TGFA: variants seen among roughly 807,000 people sequenced by gnomAD.
TGFA encodes transforming growth factor alpha.
Under a neutral mutation model 21.7 loss-of-function variants are expected in TGFA, and 12 were observed. The ratio of observed to expected loss-of-function variants is 0.55; its 90% CI spans 0.35 to 0.90. TGFA has a LOEUF of 0.90. TGFA is among the 40% of genes least tolerant of loss of function. TGFA has a pLI of 0.01. For synonymous variants in TGFA, 79 were observed against 88.1 expected (o/e 0.90, Z 0.58); for missense variants, 178 against 210.8 (o/e 0.84, Z 0.96).
chr2:70,458,087 T>C (rs534225096), intron 3 of TGFA, among the ~76,000 whole-genome samples: 1 of 152,294 alleles, frequency 6.6e-6, no homozygotes, highest in South Asian at 2.1e-4. Flanking sequence ...TCAGGGGCTA[T>C]GGGACAGGGG....
chr2:70,477,034 T>A (rs141608569), intron 2 of TGFA, among the ~76,000 whole-genome samples: 1 of 152,306 alleles, frequency 6.6e-6, no homozygotes, highest in Admixed American at 6.5e-5. Context: ...CATTTTAGAG[T>A]TTGAACACAA....
At position 70,528,378 on chromosome 2, in the gene TGFA, GCTGCCCTGTACCCCAAGC is replaced by G. The variant is rs548727165; in HGVS notation, c.41-13484_41-13467del. ...TCAGTAGCTGATCTCGCCGGGCTGG[GCTGCCCTGTACCCCAAGC>G]CTCACTCTCACACTGGGAGCATGTC... On this transcript the variant is annotated intron_variant, in intron 1 of 5. Transcript: ENST00000295400. Among the ~76,000 whole-genome samples the G allele has an allele frequency of 1.3e-4, 20 of 152,282 alleles. No individual in the cohort carries two copies. In the South Asian group the frequency reaches 3.7e-3, roughly 28 times the overall value.
chr2:70,529,592 C>CCCA (rs1289113319), intron 1 of TGFA, among the ~76,000 whole-genome samples: 3 of 149,026 alleles, frequency 2.0e-5, no homozygotes, highest in Non-Finnish European at 3.0e-5. Context: ...AGTGAATCCC[C>CCCA]CCGCCCCAGT....
intron 1 of TGFA, among the ~76,000 whole-genome samples, chr2:70,524,635 C>T (rs1018097310): frequency 6.6e-6 from 1 of 152,262 alleles, no homozygotes; most frequent in African/African-American, 2.4e-5. Context: ...CTGACTGGCA[C>T]TGTGACACGA....
intron 2 of TGFA, among the ~76,000 whole-genome samples, chr2:70,466,760 TGGTAAA>T (rs1553492343): frequency 6.6e-6 from 1 of 152,154 alleles, no homozygotes; most frequent in African/African-American, 2.4e-5. Flanking sequence ...CTATTCACAA[TGGTAAA>T]GACATGGAAC....
intron 2 of TGFA, among the ~76,000 whole-genome samples, chr2:70,506,439 C>A (rs1468203149): frequency 6.6e-6 from 1 of 152,144 alleles, no homozygotes; most frequent in African/African-American, 2.4e-5. Flanking sequence ...GGATCGCATG[C>A]TGTAAGGGCC....
chr2:70,517,196 T>C (rs1574124462), intron 1 of TGFA, among the ~76,000 whole-genome samples: 2 of 152,356 alleles, frequency 1.3e-5, no homozygotes, highest in Non-Finnish European at 1.5e-5. Context: ...AACCACGATG[T>C]TCCACAGATG....
At chr2:70,474,463 A>C (rs1340794510) in intron 2 of TGFA, among the ~76,000 whole-genome samples, 1 of 152,262 alleles carries the variant, frequency 6.6e-6, no homozygotes, top group South Asian at 2.1e-4. Flanking sequence ...ATCTTCTAGT[A>C]ATCAGAAAGG....
At chr2:70,528,738 T>C (rs1452627470) in intron 1 of TGFA, among the ~76,000 whole-genome samples, 2 of 152,200 alleles carry the variant, frequency 1.3e-5, no homozygotes, top group Non-Finnish European at 1.5e-5. Flanking sequence ...AAAAATCTAT[T>C]GTCAGTGAGC....
intron 1 of TGFA, among the ~76,000 whole-genome samples, chr2:70,526,658 C>T (rs1574133999): frequency 6.6e-6 from 1 of 152,198 alleles, no homozygotes; most frequent in South Asian, 2.1e-4. Context: ...GGAGAAAATG[C>T]AATAGCTCTG....
chr2:70,530,437 A>T (rs1672780699), intron 1 of TGFA, among the ~76,000 whole-genome samples: 1 of 152,228 alleles, frequency 6.6e-6, no homozygotes, highest in Non-Finnish European at 1.5e-5. Flanking sequence ...TCTGGGCCAC[A>T]TTGGAAGAAG....
chr2:70,466,817 T>G (rs1462688944), intron 2 of TGFA, among the ~76,000 whole-genome samples: 1 of 151,830 alleles, frequency 6.6e-6, no homozygotes, highest in African/African-American at 2.4e-5. Flanking sequence ...GTAAAGAAAA[T>G]GTAATACATA....
chr2:70,503,082 A>C (rs1483702742), intron 2 of TGFA, among the ~76,000 whole-genome samples: 3 of 152,156 alleles, frequency 2.0e-5, no homozygotes, highest in African/African-American at 7.2e-5. Flanking sequence ...GGTTATATAC[A>C]CAAAGGATTA....
chr2:70,473,194 T>TG (rs1248366476), intron 2 of TGFA, among the ~76,000 whole-genome samples: 1 of 151,840 alleles, frequency 6.6e-6, no homozygotes, highest in Non-Finnish European at 1.5e-5. Context: ...TTTACAAGGG[T>TG]GGAACTCCAA....
intron 2 of TGFA, among the ~76,000 whole-genome samples, chr2:70,503,737 T>C (rs1671813273): frequency 6.6e-6 from 1 of 152,142 alleles, no homozygotes; most frequent in African/African-American, 2.4e-5. Context: ...CAAATTTAAA[T>C]AATAAAAAGG....
At chr2:70,518,524 G>A (rs186229496) in intron 1 of TGFA, among the ~76,000 whole-genome samples, 1 of 152,164 alleles carries the variant, frequency 6.6e-6, no homozygotes, top group Non-Finnish European at 1.5e-5. Flanking sequence ...GTCCCCAGAA[G>A]TGGAGCCATC....
chr2:70,481,928 G>T (rs879983264), intron 2 of TGFA, among the ~76,000 whole-genome samples: 5 of 152,166 alleles, frequency 3.3e-5, no homozygotes, highest in Non-Finnish European at 7.4e-5. Flanking sequence ...CCCTGACCCA[G>T]AACCTCCCAG....
At chr2:70,549,833 A>AT (rs1269986452) in intron 1 of TGFA, among the ~76,000 whole-genome samples, 1 of 152,204 alleles carries the variant, frequency 6.6e-6, no homozygotes, top group Non-Finnish European at 1.5e-5. Flanking sequence ...GACATTGAGT[A>AT]TTTATAGAAA....
chr2:70,543,513 G>A (rs185311958), intron 1 of TGFA, among the ~76,000 whole-genome samples: 228 of 139,100 alleles, frequency 1.6e-3, no homozygotes, highest in African/African-American at 6.0e-3. Context: ...GCGACAGAGC[G>A]AGACTCTGTC....
Sources: gnomAD v4.1 joint callset for allele counts (sites outside exome capture counted in the v4.1 genomes callset) on GRCh38, gnomAD v4.1.1 for gene constraint, MANE v1.5 for transcripts, NCBI Gene and HGNC (gene_info 2026-07-23, HGNC 2026-07-21) for gene names.